The following RUNX1T1 variants were observed in gnomAD, a reference collection of about 807,000 sequenced individuals.
RUNX1T1 encodes the protein RUNX1 partner transcriptional co-repressor 1.
Under a neutral mutation model 62.8 loss-of-function variants are expected in RUNX1T1, and 4 were observed. The observed-to-expected ratio is 0.06, with a 90% CI of 0.03 to 0.15. The LOEUF is 0.15. RUNX1T1 is among the 10% of genes least tolerant of loss of function. The pLI, the probability that RUNX1T1 is intolerant of heterozygous loss-of-function variation, is 1.00. For synonymous variants in RUNX1T1, 291 were observed against 286.0 expected (o/e 1.02, Z -0.18); for missense variants, 508 against 754.3 (o/e 0.67, Z 3.82).
intron 1 of RUNX1T1, among the ~76,000 whole-genome samples, chr8:92,047,965 T>C (rs936186215): frequency 6.6e-6 from 1 of 152,186 alleles, no homozygotes; most frequent in Non-Finnish European, 1.5e-5. Flanking sequence ...AGCAGCTGAG[T>C]AGTCCTTTAA....
At chr8:91,966,710 G>A (rs1811703381) in intron 10 of RUNX1T1, among the ~76,000 whole-genome samples, 1 of 152,132 alleles carries the variant, frequency 6.6e-6, no homozygotes, top group South Asian at 2.1e-4. Context: ...TTATGCTAAT[G>A]TTGGCATTAT....
intron 8 of RUNX1T1, among the ~76,000 whole-genome samples, chr8:91,976,806 G>A (rs1814060881): frequency 6.6e-6 from 1 of 152,130 alleles, no homozygotes; most frequent in Non-Finnish European, 1.5e-5. Context: ...GCTAAAATAT[G>A]CATTTCATGT....
intron 1 of RUNX1T1, among the ~76,000 whole-genome samples, chr8:92,032,769 C>T (rs1281971404): frequency 6.6e-6 from 1 of 152,004 alleles, no homozygotes; most frequent in African/African-American, 2.4e-5. Flanking sequence ...CAGAGTGAGG[C>T]CCTGTCTCTA....
intron 1 of RUNX1T1, among the ~76,000 whole-genome samples, chr8:92,022,390 A>G (rs750030827): frequency 1.3e-5 from 2 of 152,194 alleles, no homozygotes; most frequent in Non-Finnish European, 2.9e-5. Context: ...CTCATGTCTT[A>G]TCACAGGTGC....
At chr8:91,980,946 A>T (rs1292293647) in intron 8 of RUNX1T1, among the ~76,000 whole-genome samples, 3 of 152,072 alleles carry the variant, frequency 2.0e-5, no homozygotes, top group African/African-American at 7.2e-5. Flanking sequence ...TGCTGGGATT[A>T]TAGGCATGAG....
chr8:92,095,743 T>G, intron 1 of RUNX1T1: 18 of 462,634 alleles, frequency 3.9e-5, no homozygotes, highest in Non-Finnish European at 5.1e-5. Context: ...GGGGGAGAGC[T>G]ACCCTAAGGC....
intron 8 of RUNX1T1, among the ~76,000 whole-genome samples, chr8:91,983,725 C>T (rs970649078): frequency 6.6e-6 from 1 of 152,178 alleles, no homozygotes; most frequent in African/African-American, 2.4e-5. Context: ...TCATTACACA[C>T]ATCAATCCAT....
chr8:91,990,100 C>A (rs1268364422), intron 6 of RUNX1T1, among the ~76,000 whole-genome samples: 2 of 152,074 alleles, frequency 1.3e-5, no homozygotes. Flanking sequence ...ACACGTGGAG[C>A]CCCTGTTTGC....
chr8:92,010,977 T>G, intron 4 of RUNX1T1, 25 bp downstream of exon 5: 6 of 1,324,720 alleles, frequency 4.5e-6, no homozygotes, highest in Non-Finnish European at 6.5e-6. Flanking sequence ...TAAAATACTT[T>G]ACAGACCAGT....
At chr8:92,045,122 T>C (rs1829172781) in intron 1 of RUNX1T1, among the ~76,000 whole-genome samples, 1 of 150,982 alleles carries the variant, frequency 6.6e-6, no homozygotes, top group Non-Finnish European at 1.5e-5. Flanking sequence ...TTATTTTCCA[T>C]ATGGAAAATA....
At chr8:92,033,834 G>A (rs1826734288) in intron 1 of RUNX1T1, among the ~76,000 whole-genome samples, 1 of 152,098 alleles carries the variant, frequency 6.6e-6, no homozygotes, top group Non-Finnish European at 1.5e-5. Flanking sequence ...GCCGGGTGTG[G>A]TGGCATGCTC....
At chr8:92,093,397 T>C (rs1006810603) in intron 1 of RUNX1T1, among the ~76,000 whole-genome samples, 1 of 152,212 alleles carries the variant, frequency 6.6e-6, no homozygotes, top group Admixed American at 6.5e-5. Context: ...TTAAAGACTA[T>C]GCAAAATGTG....
chr8:92,035,968 T>G (rs1337409755), intron 1 of RUNX1T1, among the ~76,000 whole-genome samples: 1 of 152,172 alleles, frequency 6.6e-6, no homozygotes, highest in African/African-American at 2.4e-5. Context: ...CAGGGAAGTG[T>G]CTCAAGTGAA....
At chr8:92,062,510 GA>G in intron 1 of RUNX1T1, 1 of 1,607,820 alleles carries the variant, frequency 6.2e-7, no homozygotes, top group Non-Finnish European at 8.5e-7. Flanking sequence ...TTCTTCATTG[GA>G]AAAACAGAGA....
intron 6 of RUNX1T1, 146 bp downstream of exon 7, chr8:91,991,493 T>G (rs1359022108): frequency 6.8e-6 from 6 of 882,260 alleles, no homozygotes; most frequent in Non-Finnish European, 1.1e-5. Context: ...CAATCAAGTT[T>G]TTTTCATAAA....
intron 4 of RUNX1T1, among the ~76,000 whole-genome samples, chr8:92,007,259 A>C (rs1460484622): frequency 2.6e-5 from 4 of 152,148 alleles, no homozygotes; most frequent in Non-Finnish European, 5.9e-5. Flanking sequence ...TGAGGTCAGG[A>C]GTTCAAGACC....
upstream of RUNX1T1, among the ~76,000 whole-genome samples, chr8:92,066,416 C>T (rs559489244): frequency 6.6e-6 from 1 of 152,170 alleles, no homozygotes; most frequent in Non-Finnish European, 1.5e-5. Context: ...GAGGCATTAG[C>T]TCTGCTTTCA....
chr8:91,989,418 T>C (rs1817212043), intron 6 of RUNX1T1, among the ~76,000 whole-genome samples: 1 of 152,186 alleles, frequency 6.6e-6, no homozygotes, highest in Admixed American at 6.5e-5. Flanking sequence ...TTAGCACTAT[T>C]GGTTTTATAA....
downstream of RUNX1T1, chr8:91,957,511 G>GT: frequency 4.4e-6 from 1 of 229,104 alleles, no homozygotes; most frequent in Non-Finnish European, 8.6e-6. Flanking sequence ...ATTTTTTTTT[G>GT]TATTTGTTTT....
Sources: gnomAD v4.1 joint callset for allele counts (sites outside exome capture counted in the v4.1 genomes callset) on GRCh38, gnomAD v4.1.1 for gene constraint, MANE v1.5 for transcripts, NCBI Gene and HGNC (gene_info 2026-07-23, HGNC 2026-07-21) for gene names.